The following MARK3 variants were observed in gnomAD, a reference collection of about 807,000 sequenced individuals.
MARK3 encodes microtubule affinity regulating kinase 3, also known as MAP/microtubule affinity-regulating kinase 3.
In MARK3, 46 loss-of-function variants were observed where a neutral mutation model predicts 90.1. That is an observed-to-expected ratio of 0.51 (90% CI 0.40 to 0.65). MARK3 has a LOEUF of 0.65. Ranked by LOEUF, MARK3 falls within the 30% of genes least tolerant of loss-of-function variation. MARK3 has a pLI of 0.00. For missense variants in MARK3, 818 were observed against 947.2 expected (o/e 0.86, Z 1.79); for synonymous variants, 321 against 332.6 (o/e 0.97, Z 0.38).
chr14:103,483,683 T>C (rs12431953), intron 14 of MARK3, among the ~76,000 whole-genome samples: 2,257 of 152,330 alleles, frequency 0.015, 51 homozygotes, highest in African/African-American at 0.047. Context: ...ATTCGTTTTC[T>C]GAGACTAGTT....
intron 15 of MARK3, among the ~76,000 whole-genome samples, chr14:103,497,788 G>A (rs543983528): frequency 3.3e-5 from 5 of 152,116 alleles, no homozygotes; most frequent in Non-Finnish European, 7.4e-5. Flanking sequence ...ATTTTATAAT[G>A]AAATTTTTAA....
In MARK3 at chr14:103,395,585, T is replaced by C. The variant is rs113314499; in HGVS notation, c.52-9491T>C. ...CCTTTGCCTTTCCTGTTCGATCCAT[T>C]TTCTTCCCCTTGGTTCACTCCCAGG... On this transcript the variant is annotated intron_variant, in intron 1 of 17. Transcript: ENST00000429436. 1.3e-3 allele frequency among the ~76,000 whole-genome samples: 205 copies of C among 152,304 alleles called. 1 individual carries two copies. Among genetic ancestry groups the C allele is most frequent in the African/African-American group, 4.7e-3 (196 of 41,558 alleles).
chr14:103,469,170 T>TTTTATTTA (rs577955767), intron 12 of MARK3: 8 of 151,464 alleles, frequency 5.3e-5, no homozygotes, highest in African/African-American at 1.2e-4. Context: ...TTTTTATTAT[T>TTTTATTTA]TTTATTTATT....
chr14:103,476,964 TC>T (rs773407342), intron 13 of MARK3, among the ~76,000 whole-genome samples: 1 of 152,232 alleles, frequency 6.6e-6, no homozygotes, highest in Non-Finnish European at 1.5e-5. Context: ...AGGGCATTAT[TC>T]CCTGCCTTCA....
At chr14:103,434,905 G>A (rs755388029) in intron 3 of MARK3, among the ~76,000 whole-genome samples, 5 of 152,096 alleles carry the variant, frequency 3.3e-5, no homozygotes, top group East Asian at 1.9e-4. Context: ...GGTCCACTCC[G>A]ATACCCCTCA....
chr14:103,404,165 A>T (rs959917666), intron 1 of MARK3, among the ~76,000 whole-genome samples: 4 of 152,246 alleles, frequency 2.6e-5, no homozygotes, highest in Non-Finnish European at 5.9e-5. Flanking sequence ...TGAGTAAATT[A>T]CAAAGCAGTT....
chr14:103,492,648 A>G (rs1942107369), intron 15 of MARK3, among the ~76,000 whole-genome samples: 1 of 152,182 alleles, frequency 6.6e-6, no homozygotes, highest in African/African-American at 2.4e-5. Flanking sequence ...TAAATGCTGC[A>G]TGATTCTTGG....
intron 5 of MARK3, among the ~76,000 whole-genome samples, chr14:103,456,197 C>G (rs561854844): frequency 3.0e-4 from 46 of 152,344 alleles, no homozygotes; most frequent in African/African-American, 1.1e-3. Flanking sequence ...GCTTCCCACT[C>G]TAGTCCCCGT....
intron 11 of MARK3, 74 bp downstream of exon 11, chr14:103,467,265 T>TA: frequency 1.5e-6 from 1 of 682,822 alleles, no homozygotes; most frequent in Non-Finnish European, 2.4e-6. Context: ...TCTTAGTTTT[T>TA]ATCTTTTGAA....
chr14:103,391,434 T>C (rs1334217981), intron 1 of MARK3, among the ~76,000 whole-genome samples: 1 of 152,226 alleles, frequency 6.6e-6, no homozygotes, highest in Non-Finnish European at 1.5e-5. Flanking sequence ...ATTTTCTTAA[T>C]ATCAAATATG....
intron 13 of MARK3, among the ~76,000 whole-genome samples, chr14:103,478,864 C>A (rs2093766989): frequency 6.6e-6 from 1 of 152,042 alleles, no homozygotes; most frequent in Non-Finnish European, 1.5e-5. Context: ...TACTTTGTTT[C>A]TTTTGGGGGT....
intron 15 of MARK3, among the ~76,000 whole-genome samples, chr14:103,497,874 A>C (rs1219320032): frequency 6.6e-6 from 1 of 152,192 alleles, no homozygotes; most frequent in Non-Finnish European, 1.5e-5. Context: ...TTACTAGTAC[A>C]TTGCAAATGT....
At chr14:103,386,375 T>G (rs1252570578) in intron 1 of MARK3, 1 of 677,512 alleles carries the variant, frequency 1.5e-6, no homozygotes, top group African/African-American at 1.8e-5. Context: ...TGCCGCGCAA[T>G]GGATTGTGCA....
At chr14:103,415,690 A>T (rs553118722) in intron 2 of MARK3, among the ~76,000 whole-genome samples, 1 of 152,222 alleles carries the variant, frequency 6.6e-6, no homozygotes, top group East Asian at 1.9e-4. Flanking sequence ...GAACTACAGA[A>T]CTCACTTGTT....
chr14:103,420,641 A>G (rs2092172577), intron 2 of MARK3, among the ~76,000 whole-genome samples: 1 of 152,214 alleles, frequency 6.6e-6, no homozygotes, highest in Non-Finnish European at 1.5e-5. Flanking sequence ...TTATTGGGCA[A>G]CCATCACCAC....
At chr14:103,455,467 G>A (rs373292368) in intron 5 of MARK3, among the ~76,000 whole-genome samples, 1 of 152,156 alleles carries the variant, frequency 6.6e-6, no homozygotes, top group Admixed American at 6.5e-5. Flanking sequence ...TGGCTCACGC[G>A]TGTAATCCCA....
At chr14:103,398,128 G>T (rs551478091) in intron 1 of MARK3, among the ~76,000 whole-genome samples, 3 of 152,162 alleles carry the variant, frequency 2.0e-5, no homozygotes, top group Non-Finnish European at 4.4e-5. Flanking sequence ...AGGTGCACAT[G>T]TTAATTTTCT....
At chr14:103,446,256 G>A (rs2092991946) in intron 3 of MARK3, among the ~76,000 whole-genome samples, 1 of 152,208 alleles carries the variant, frequency 6.6e-6, no homozygotes, top group South Asian at 2.1e-4. Flanking sequence ...GCCAGGCGCG[G>A]TGGCTCACAT....
intron 3 of MARK3, among the ~76,000 whole-genome samples, chr14:103,444,688 A>T (rs1405657089): frequency 3.3e-5 from 5 of 152,130 alleles, no homozygotes; most frequent in Non-Finnish European, 7.4e-5. Flanking sequence ...GAGGCAGGAG[A>T]ATGGTGTGAA....
Sources: allele counts gnomAD v4.1 joint callset (sites outside exome capture counted in the v4.1 genomes callset), GRCh38; gene constraint gnomAD v4.1.1; transcripts MANE v1.5; gene names NCBI Gene and HGNC (gene_info 2026-07-23, HGNC 2026-07-21).